Variants in GRM3 observed in about 807,000 individuals in gnomAD.
GRM3 encodes the protein glutamate metabotropic receptor 3.
Under a neutral mutation model 70.5 loss-of-function variants are expected in GRM3, and 26 were observed. The observed-to-expected ratio is 0.37, with a 90% CI of 0.27 to 0.51. GRM3 has a LOEUF of 0.51. Among genes scored for constraint, GRM3 ranks in the 20% least tolerant of loss-of-function variants. The probability of loss-of-function intolerance (pLI) is 0.93; values close to 1 mark genes in which losing one functional copy is unlikely to be tolerated. For synonymous variants in GRM3, 443 were observed against 434.9 expected (o/e 1.02, Z -0.23); for missense variants, 859 against 1,123.8 (o/e 0.76, Z 3.37).
At chr7:86,735,152 G>C (rs1184500769) in intron 1 of GRM3, among the ~76,000 whole-genome samples, 1 of 152,166 alleles carries the variant, frequency 6.6e-6, no homozygotes, top group African/African-American at 2.4e-5. Context: ...GCTGGAATGG[G>C]AAAGAGCGAC....
At chr7:86,687,429 A>G (rs1794593312) in intron 1 of GRM3, among the ~76,000 whole-genome samples, 1 of 152,010 alleles carries the variant, frequency 6.6e-6, no homozygotes, top group African/African-American at 2.4e-5. Context: ...CAATTCTTCA[A>G]CAGAAAAATA....
At chr7:86,746,516 C>T (rs545540013) in intron 1 of GRM3, among the ~76,000 whole-genome samples, 20 of 151,218 alleles carry the variant, frequency 1.3e-4, no homozygotes, top group Admixed American at 4.0e-4. Flanking sequence ...TTAGAGGATG[C>T]CTTAGGGATC....
chr7:86,820,033 T>G (rs964300000), intron 3 of GRM3, among the ~76,000 whole-genome samples: 2 of 152,168 alleles, frequency 1.3e-5, no homozygotes, highest in Non-Finnish European at 2.9e-5. Context: ...TCATTTTTGA[T>G]GGTATGAATT....
intron 3 of GRM3, among the ~76,000 whole-genome samples, chr7:86,832,792 T>C (rs1175647949): frequency 1.3e-5 from 2 of 152,180 alleles, no homozygotes; most frequent in Non-Finnish European, 2.9e-5. Context: ...CACCTTGGTA[T>C]TCAAGCCAAG....
At chr7:86,770,007 T>G (rs1796698560) in intron 2 of GRM3, among the ~76,000 whole-genome samples, 1 of 152,198 alleles carries the variant, frequency 6.6e-6, no homozygotes, top group Non-Finnish European at 1.5e-5. Context: ...GAGAATCAAG[T>G]TGGTTGCTGT....
chr7:86,704,356 A>C (rs12540835), intron 1 of GRM3, among the ~76,000 whole-genome samples: 2 of 151,950 alleles, frequency 1.3e-5, no homozygotes, highest in Admixed American at 1.3e-4. Flanking sequence ...TGATAGCAAC[A>C]CCAATATTTT....
At chr7:86,725,574 T>C (rs1795572939) in intron 1 of GRM3, among the ~76,000 whole-genome samples, 1 of 152,138 alleles carries the variant, frequency 6.6e-6, no homozygotes, top group Non-Finnish European at 1.5e-5. Context: ...AGACTCCCAC[T>C]ATCAACAATA....
chr7:86,754,934 C>T (rs1238043078), intron 1 of GRM3, among the ~76,000 whole-genome samples: 1 of 152,144 alleles, frequency 6.6e-6, no homozygotes, highest in African/African-American at 2.4e-5. Flanking sequence ...CCCATACTTA[C>T]AAGAGCTTAC....
chr7:86,810,463 G>A (rs556048406), intron 3 of GRM3, among the ~76,000 whole-genome samples: 64 of 152,034 alleles, frequency 4.2e-4, no homozygotes, highest in African/African-American at 1.4e-3. Context: ...TTATACTTTC[G>A]TTCCACTTCA....
At chr7:86,862,906 T>A (rs1361467717) in intron 5 of GRM3, among the ~76,000 whole-genome samples, 1 of 152,198 alleles carries the variant, frequency 6.6e-6, no homozygotes, top group African/African-American at 2.4e-5. Flanking sequence ...CTATCAAGCA[T>A]GGACATTTAA....
At chr7:86,800,776 C>G (rs1329411434) in intron 3 of GRM3, among the ~76,000 whole-genome samples, 2 of 152,178 alleles carry the variant, frequency 1.3e-5, no homozygotes, top group East Asian at 3.8e-4. Flanking sequence ...GGACTTCACT[C>G]TAACTCATTT....
chr7:86,782,911 C>A (rs1264816521), intron 2 of GRM3, among the ~76,000 whole-genome samples: 1 of 152,084 alleles, frequency 6.6e-6, no homozygotes, highest in African/African-American at 2.4e-5. Context: ...TTTTTCCTTC[C>A]TCCACTCTAT....
At chr7:86,836,244 A>AT (rs537886779) in intron 3 of GRM3, among the ~76,000 whole-genome samples, 185 of 152,226 alleles carry the variant, frequency 1.2e-3, no homozygotes, top group African/African-American at 4.3e-3. Flanking sequence ...CTGTAGCTAA[A>AT]TTTTTAAAGA....
chr7:86,851,809 C>T (rs1376755229), intron 5 of GRM3, among the ~76,000 whole-genome samples: 1 of 152,084 alleles, frequency 6.6e-6, no homozygotes, highest in Admixed American at 6.6e-5. Context: ...GGTCGTTTTC[C>T]ATGGATCTTA....
At chr7:86,813,816 C>A (rs769130291) in intron 3 of GRM3, among the ~76,000 whole-genome samples, 31 of 151,526 alleles carry the variant, frequency 2.0e-4, no homozygotes, top group Non-Finnish European at 4.3e-4. Context: ...TAAGACCTCC[C>A]AAGAGAGGTG....
intron 1 of GRM3, among the ~76,000 whole-genome samples, chr7:86,742,999 C>T (rs1254596301): frequency 2.0e-5 from 3 of 152,070 alleles, no homozygotes; most frequent in Non-Finnish European, 4.4e-5. Context: ...GAGACCGAAG[C>T]TCATAAGTAT....
At chr7:86,731,519 A>C (rs1270678460) in intron 1 of GRM3, among the ~76,000 whole-genome samples, 1 of 152,228 alleles carries the variant, frequency 6.6e-6, no homozygotes, top group Non-Finnish European at 1.5e-5. Flanking sequence ...TACATGGTTT[A>C]ACCTAATATA....
chr7:86,684,844 G>C (rs1292343577), intron 1 of GRM3, among the ~76,000 whole-genome samples: 1 of 152,140 alleles, frequency 6.6e-6, no homozygotes, highest in African/African-American at 2.4e-5. Flanking sequence ...CTAGCTTTGT[G>C]ACCATGGGCA....
chr7:86,787,285 A>C (rs888120381), intron 3 of GRM3, among the ~76,000 whole-genome samples, 169 bp downstream of exon 3: 1 of 152,168 alleles, frequency 6.6e-6, no homozygotes, highest in Non-Finnish European at 1.5e-5. Flanking sequence ...TAACATTCTT[A>C]CTCATTTCTG....
Sources: gnomAD v4.1 joint callset for allele counts (sites outside exome capture counted in the v4.1 genomes callset) on GRCh38, gnomAD v4.1.1 for gene constraint, MANE v1.5 for transcripts, NCBI Gene and HGNC (gene_info 2026-07-23, HGNC 2026-07-21) for gene names.